Variants in ZNG1C observed in about 807,000 individuals in gnomAD.
The protein encoded by ZNG1C is Zn regulated GTPase metalloprotein activator 1C, also known as zinc-regulated GTPase metalloprotein activator 1C.
chr9:68,249,219 T>C, the ZNG1C span, among the ~76,000 whole-genome samples: 2 of 151,626 alleles, frequency 1.3e-5, no homozygotes, highest in Non-Finnish European at 2.9e-5. Context: ...AGTACAGTTG[T>C]CCCTTGGCAT....
the ZNG1C span, among the ~76,000 whole-genome samples, chr9:68,296,425 C>A: frequency 1.3e-5 from 2 of 151,630 alleles, no homozygotes; most frequent in Admixed American, 1.3e-4. Flanking sequence ...AAGAAGTTAA[C>A]CAACACCACC....
At chr9:68,256,590 A>C in the ZNG1C span, among the ~76,000 whole-genome samples, 1 of 108,904 alleles carries the variant, frequency 9.2e-6, no homozygotes, top group East Asian at 2.4e-4. Flanking sequence ...GATGTGCACA[A>C]AGCCATACTG....
the ZNG1C span, chr9:68,299,179 A>T: frequency 7.0e-7 from 1 of 1,427,100 alleles, no homozygotes. Flanking sequence ...CAGATTAACC[A>T]TTCAGGTCCT....
chr9:68,297,250 A>G, the ZNG1C span, among the ~76,000 whole-genome samples: 34 of 149,024 alleles, frequency 2.3e-4, no homozygotes, highest in African/African-American at 8.1e-4. Flanking sequence ...AGTACATTGT[A>G]TGTGTTACAT....
At chr9:68,296,630 T>C in the ZNG1C span, among the ~76,000 whole-genome samples, 1 of 152,242 alleles carries the variant, frequency 6.6e-6, no homozygotes, top group Non-Finnish European at 1.5e-5. Context: ...TCTAGGAAGT[T>C]ATGCAAAGAT....
the ZNG1C span, among the ~76,000 whole-genome samples, chr9:68,288,662 T>A: frequency 8.4e-6 from 1 of 119,240 alleles, no homozygotes; most frequent in Non-Finnish European, 1.8e-5. Flanking sequence ...TTTTTTTTTT[T>A]TTTTTTTTTT....
At chr9:68,295,268 CAT>C in the ZNG1C span, among the ~76,000 whole-genome samples, 1 of 49,950 alleles carries the variant, frequency 2.0e-5, no homozygotes, top group Non-Finnish European at 4.7e-5. Flanking sequence ...TGGCTAGCCA[CAT>C]GTAGGAGAAT....
the ZNG1C span, among the ~76,000 whole-genome samples, chr9:68,287,477 T>G: frequency 6.6e-6 from 1 of 152,364 alleles, no homozygotes; most frequent in Non-Finnish European, 1.5e-5. Flanking sequence ...CATCACCCAG[T>G]TTAAATGGCA....
chr9:68,258,220 T>C, the ZNG1C span, among the ~76,000 whole-genome samples: 1 of 31,530 alleles, frequency 3.2e-5, no homozygotes, highest in South Asian at 8.5e-4. Context: ...ATTTGACTTA[T>C]ATTTTGGATT....
the ZNG1C span, chr9:68,249,060 G>C: frequency 1.8e-6 from 1 of 547,448 alleles, no homozygotes; most frequent in Non-Finnish European, 3.3e-6. Flanking sequence ...CATTTTCTTT[G>C]GCAGTTGAAT....
At chr9:68,276,204 G>A in the ZNG1C span, among the ~76,000 whole-genome samples, 3 of 110,822 alleles carry the variant, frequency 2.7e-5, no homozygotes, top group African/African-American at 1.0e-4. Context: ...CTGGATATTA[G>A]CCCTTTGTCA....
the ZNG1C span, among the ~76,000 whole-genome samples, chr9:68,244,720 C>G: frequency 1.7e-5 from 2 of 116,332 alleles, no homozygotes; most frequent in Non-Finnish European, 3.5e-5. Context: ...TGGAGATTGA[C>G]ATATTGGGTT....
At chr9:68,294,039 A>G in the ZNG1C span, among the ~76,000 whole-genome samples, 5 of 151,944 alleles carry the variant, frequency 3.3e-5, no homozygotes, top group African/African-American at 1.2e-4. Context: ...GGAACCTTCA[A>G]AACCATGCAG....
At chr9:68,265,126 A>T in the ZNG1C span, among the ~76,000 whole-genome samples, 1 of 143,740 alleles carries the variant, frequency 7.0e-6, no homozygotes, top group Admixed American at 7.1e-5. Flanking sequence ...TCCTGACCTC[A>T]GGTGATCCAC....
the ZNG1C span, among the ~76,000 whole-genome samples, chr9:68,290,978 A>G: frequency 6.6e-6 from 1 of 150,954 alleles, no homozygotes; most frequent in Non-Finnish European, 1.5e-5. Flanking sequence ...AATACTTACC[A>G]TTGTGTTATT....
chr9:68,268,347 A>G, the ZNG1C span, among the ~76,000 whole-genome samples: 2 of 152,192 alleles, frequency 1.3e-5, no homozygotes, highest in East Asian at 1.9e-4. Context: ...ATACAAAGCC[A>G]TATTCTATAG....
chr9:68,292,028 T>C, the ZNG1C span, among the ~76,000 whole-genome samples: 3 of 151,742 alleles, frequency 2.0e-5, no homozygotes, highest in African/African-American at 7.3e-5. Context: ...TACCCCCCAG[T>C]ACCAGCCTGG....
the ZNG1C span, among the ~76,000 whole-genome samples, chr9:68,255,982 A>T: frequency 6.6e-6 from 1 of 152,128 alleles, no homozygotes; most frequent in African/African-American, 2.4e-5. Context: ...AAAAAAATCA[A>T]TAGGTATCAG....
chr9:68,290,677 A>C, the ZNG1C span, among the ~76,000 whole-genome samples: 1 of 136,118 alleles, frequency 7.3e-6, no homozygotes, highest in Non-Finnish European at 1.5e-5. Context: ...CATTTTAAAC[A>C]TTTTTGAAGA....
Sources: gnomAD v4.1 joint callset for allele counts (sites outside exome capture counted in the v4.1 genomes callset) on GRCh38, gnomAD v4.1.1 for gene constraint, MANE v1.5 for transcripts, NCBI Gene and HGNC (gene_info 2026-07-23, HGNC 2026-07-21) for gene names.